The following CTNNA2 variants were observed in gnomAD, a reference collection of about 807,000 sequenced individuals.
CTNNA2 encodes the protein catenin alpha 2.
A neutral mutation model predicts 101.0 loss-of-function variants in CTNNA2; 42 were observed. That is an observed-to-expected ratio of 0.42 (90% CI 0.32 to 0.54). The LOEUF (loss-of-function observed/expected upper bound fraction) is 0.54, where lower values mean the gene tolerates loss of function less well. Among genes scored for constraint, CTNNA2 ranks in the 20% least tolerant of loss-of-function variants. The pLI, the probability that CTNNA2 is intolerant of heterozygous loss-of-function variation, is 0.14. For synonymous variants in CTNNA2, 450 were observed against 456.4 expected, an observed-to-expected ratio of 0.99 and a Z score of 0.18; for missense variants, 871 against 1,223.1, an observed-to-expected ratio of 0.71 and a Z score of 4.29.
intron 7 of CTNNA2, among the ~76,000 whole-genome samples, chr2:80,350,188 G>A (rs1435497249): frequency 6.6e-6 from 1 of 152,088 alleles, no homozygotes; most frequent in East Asian, 1.9e-4. Context: ...TTTTCAGTAT[G>A]AGGGAATGCT....
chr2:80,188,307 T>C (rs543774064), intron 7 of CTNNA2, among the ~76,000 whole-genome samples: 2 of 152,148 alleles, frequency 1.3e-5, no homozygotes, highest in African/African-American at 4.8e-5. Flanking sequence ...ATAAGAAGAT[T>C]TTTTAGTTTT....
At chr2:79,808,900 A>G (rs1676789353) in intron 3 of CTNNA2, among the ~76,000 whole-genome samples, 1 of 152,040 alleles carries the variant, frequency 6.6e-6, no homozygotes. Flanking sequence ...TCAAACCATC[A>G]TCTACATTAG....
chr2:80,163,551 T>C (rs1332963729), intron 7 of CTNNA2, among the ~76,000 whole-genome samples: 1 of 152,142 alleles, frequency 6.6e-6, no homozygotes, highest in Admixed American at 6.6e-5. Context: ...ATAGGTTCTA[T>C]GGACACTTGA....
At chr2:79,908,568 T>G (rs1180535538) in intron 6 of CTNNA2, among the ~76,000 whole-genome samples, 1 of 152,218 alleles carries the variant, frequency 6.6e-6, no homozygotes, top group East Asian at 1.9e-4. Flanking sequence ...ATGTCACCTT[T>G]GCTTCTAGAC....
chr2:79,534,388 T>A (rs1350912137), intron 1 of CTNNA2, among the ~76,000 whole-genome samples: 1 of 152,124 alleles, frequency 6.6e-6, no homozygotes, highest in Non-Finnish European at 1.5e-5. Context: ...CTCTAGTGAT[T>A]ATGGCCATAT....
intron 3 of CTNNA2, among the ~76,000 whole-genome samples, chr2:79,838,201 G>T (rs1417764082): frequency 3.3e-5 from 5 of 152,078 alleles, no homozygotes; most frequent in Non-Finnish European, 7.4e-5. Flanking sequence ...TTTCATTGAG[G>T]ATTTAATGAA....
chr2:80,634,441 T>C (rs1295934939), intron 18 of CTNNA2, among the ~76,000 whole-genome samples: 1 of 152,058 alleles, frequency 6.6e-6, no homozygotes, highest in Non-Finnish European at 1.5e-5. Context: ...ATGACTGGTC[T>C]TTCTGAGCAG....
At chr2:79,989,265 C>G (rs1486707133) in intron 7 of CTNNA2, among the ~76,000 whole-genome samples, 1 of 152,162 alleles carries the variant, frequency 6.6e-6, no homozygotes, top group Admixed American at 6.6e-5. Flanking sequence ...GTTTCTAAGT[C>G]TCTTAGCCTG....
chr2:79,869,826 C>T lies in CTNNA2; in HGVS notation c.476C>T (p.Ala159Val). 6.2e-7 allele frequency: 1 copy of T among 1,613,600 alleles called. No homozygotes were observed. Among genetic ancestry groups the T allele is most frequent in the Non-Finnish European group, 8.5e-7 (1 of 1,179,820 alleles). ...TTTTCACCACTGCAGGTGGAAGAGGCCCTGGAAGCTGTCAAAAATGCTACA... is the reference window on the plus strand; with the variant it reads ...TTTTCACCACTGCAGGTGGAAGAGGTCCTGGAAGCTGTCAAAAATGCTACA... The part of the protein sequence containing the change: ...LLSHLKIVEE[A>V]LEAVKNATNE... Residue 159 changes from alanine to valine, a missense_variant, in exon 5 of 19, where the codon GCC becomes GTC. Ala to Val is a moderately conservative substitution (Grantham distance 64). Coordinates refer to ENST00000402739, the MANE Select transcript of CTNNA2 (RefSeq NM_001282597.3).
intron 18 of CTNNA2, among the ~76,000 whole-genome samples, chr2:80,621,596 A>C (rs1456704560): frequency 6.6e-6 from 1 of 151,934 alleles, no homozygotes; most frequent in African/African-American, 2.4e-5. Flanking sequence ...TGTTATTCTA[A>C]TTATTGGGGA....
chr2:79,494,259 A>G lies in CTNNA2; in HGVS notation c.-134-10795A>G, dbSNP rs1035647881. Reference sequence around the variant, plus strand: ...CTGCAGATTCAAATCAAATCCTTTAAAAATTCCCAGCTGCCCTATTTTTTT... The same window carrying G: ...CTGCAGATTCAAATCAAATCCTTTAGAAATTCCCAGCTGCCCTATTTTTTT... On this transcript the variant is annotated intron_variant, in intron 4 of 21. Transcript: ENST00000466387. Among the ~76,000 whole-genome samples the G allele has an allele frequency of 2.1e-5, 3 of 140,862 alleles. No homozygotes were observed. The Admixed American group carries it at 2.2e-4, about 10-fold the overall frequency. The allele number at this position is 140,862 out of a possible 152,430, so 92.4% of individuals were successfully genotyped here. A position where few individuals can be genotyped will look rare whatever the true frequency, so the allele number is the denominator to read the frequency against.
chr2:80,646,738 C>T (rs1161132848), intron 18 of CTNNA2, among the ~76,000 whole-genome samples: 3 of 152,020 alleles, frequency 2.0e-5, no homozygotes, highest in Non-Finnish European at 4.4e-5. Flanking sequence ...TGATGGGCCT[C>T]TAAACCTATT....
chr2:79,796,658 T>C (rs1351026410), intron 3 of CTNNA2, among the ~76,000 whole-genome samples: 1 of 152,162 alleles, frequency 6.6e-6, no homozygotes, highest in African/African-American at 2.4e-5. Flanking sequence ...GAATGGTTGC[T>C]TTTGGGCAGG....
At chr2:79,218,352 T>TGTGTGTGTGTGTA (rs1491322056) in intron 2 of CTNNA2, among the ~76,000 whole-genome samples, 1,101 of 82,452 alleles carry the variant, frequency 0.013, 16 homozygotes, top group East Asian at 0.031. Context: ...TGTGTGTGTA[T>TGTGTGTGTGTGTA]TTTTTTTTTT....
chr2:79,722,567 C>T (rs941290065), intron 2 of CTNNA2, among the ~76,000 whole-genome samples: 1 of 152,178 alleles, frequency 6.6e-6, no homozygotes, highest in African/African-American at 2.4e-5. Flanking sequence ...TCTTTCCTGA[C>T]CACCTGTTTA....
At chr2:79,988,768 A>C (rs1691952147) in intron 7 of CTNNA2, among the ~76,000 whole-genome samples, 3 of 152,168 alleles carry the variant, frequency 2.0e-5, no homozygotes, top group Admixed American at 2.0e-4. Context: ...AGGAATGAAA[A>C]ATCAGTTCAT....
intron 9 of CTNNA2, among the ~76,000 whole-genome samples, chr2:80,503,681 C>T (rs1445521423): frequency 1.3e-5 from 2 of 152,052 alleles, no homozygotes; most frequent in Non-Finnish European, 2.9e-5. Context: ...GTCCTGCACC[C>T]GATCATGTGT....
intron 7 of CTNNA2, among the ~76,000 whole-genome samples, chr2:80,267,748 C>T (rs1170327289): frequency 6.6e-6 from 1 of 152,140 alleles, no homozygotes; most frequent in Non-Finnish European, 1.5e-5. Context: ...TCTAAGTGAC[C>T]GGAGCCAAAG....
rs371154693 is a variant in CTNNA2, at chr2:80,239,779, G to A, written c.1057-153432G>A. Among the ~76,000 whole-genome samples, 11 of 152,068 alleles carry A rather than the reference G, an allele frequency of 7.2e-5. No homozygotes were observed. In the East Asian group the frequency reaches 2.1e-3, roughly 29 times the overall value. ...ATACAAAAATTAGCCAGGCGTGATG[G>A]CATGTGCCTGTAATTCCAGCTACTC... On this transcript the variant is annotated intron_variant, in intron 7 of 18. Coordinates refer to ENST00000402739, the MANE Select transcript of CTNNA2 (RefSeq NM_001282597.3).
Sources: gnomAD v4.1 joint callset for allele counts (sites outside exome capture counted in the v4.1 genomes callset) on GRCh38, gnomAD v4.1.1 for gene constraint, MANE v1.5 for transcripts, NCBI Gene and HGNC (gene_info 2026-07-23, HGNC 2026-07-21) for gene names.